Variants in DOCK3 observed in about 807,000 individuals in gnomAD.
DOCK3 encodes dedicator of cytokinesis protein 3.
A neutral mutation model predicts 265.6 loss-of-function variants in DOCK3; 60 were observed. The ratio of observed to expected loss-of-function variants is 0.23; its 90% CI spans 0.18 to 0.28. The LOEUF is 0.28. Ranked by LOEUF, DOCK3 falls within the 10% of genes least tolerant of loss-of-function variation. The pLI, the probability that DOCK3 is intolerant of heterozygous loss-of-function variation, is 1.00. For missense variants in DOCK3, 1,981 were observed against 2,594.3 expected (o/e 0.76, Z 5.14); for synonymous variants, 881 against 938.0 (o/e 0.94, Z 1.11).
At chr3:50,896,330 C>A (rs1575471761) in intron 4 of DOCK3, among the ~76,000 whole-genome samples, 1 of 152,128 alleles carries the variant, frequency 6.6e-6, no homozygotes, top group East Asian at 1.9e-4. Flanking sequence ...CTCCTTTGCC[C>A]ACTTTTTGAT....
intron 5 of DOCK3, among the ~76,000 whole-genome samples, chr3:50,991,986 A>T (rs1458260063): frequency 6.6e-6 from 1 of 152,232 alleles, no homozygotes; most frequent in Admixed American, 6.5e-5. Context: ...ATGCTCCTGA[A>T]TAACTTTTGG....
At chr3:51,240,616 C>G (rs1446120615) in intron 21 of DOCK3, among the ~76,000 whole-genome samples, 1 of 152,060 alleles carries the variant, frequency 6.6e-6, no homozygotes, top group Admixed American at 6.5e-5. Context: ...CTAGGTGCTC[C>G]TGTGTTGGGT....
intron 3 of DOCK3, among the ~76,000 whole-genome samples, chr3:50,858,448 T>A (rs561822269): frequency 1.1e-4 from 14 of 122,278 alleles, no homozygotes; most frequent in Middle Eastern, 3.8e-3. Flanking sequence ...ATAATAATAA[T>A]AATAAAAATA....
chr3:50,837,720 C>T (rs146764987), intron 2 of DOCK3, among the ~76,000 whole-genome samples: 86 of 152,198 alleles, frequency 5.7e-4, no homozygotes, highest in Non-Finnish European at 1.0e-3. Flanking sequence ...GAGAAGATAA[C>T]ATTTGGGCAG....
chr3:50,693,336 A>G (rs1367363857), intron 1 of DOCK3, among the ~76,000 whole-genome samples: 1 of 152,156 alleles, frequency 6.6e-6, no homozygotes, highest in Non-Finnish European at 1.5e-5. Flanking sequence ...CATCTTAACA[A>G]TGTTAAGTCT....
intron 3 of DOCK3, among the ~76,000 whole-genome samples, chr3:50,845,116 G>A (rs2046019166): frequency 6.6e-6 from 1 of 152,118 alleles, no homozygotes; most frequent in East Asian, 1.9e-4. Flanking sequence ...CTGGCTACTC[G>A]GGAGGCTGAG....
At chr3:50,735,843 T>A (rs1376035237) in intron 1 of DOCK3, among the ~76,000 whole-genome samples, 2 of 152,172 alleles carry the variant, frequency 1.3e-5, no homozygotes. Context: ...GGCTTCTGTT[T>A]CTGGGGGGGC....
intron 51 of DOCK3, among the ~76,000 whole-genome samples, chr3:51,376,258 C>G (rs1196814409): frequency 1.3e-5 from 2 of 152,184 alleles, no homozygotes; most frequent in Non-Finnish European, 1.5e-5. Context: ...CCAAACAAGC[C>G]CCAAGAGGAA....
chr3:50,943,944 T>C (rs971453935), intron 5 of DOCK3, among the ~76,000 whole-genome samples: 1 of 152,138 alleles, frequency 6.6e-6, no homozygotes, highest in African/African-American at 2.4e-5. Context: ...TTGTTAGAGA[T>C]GAAATGAAAA....
chr3:50,813,468 G>A (rs542472834), intron 2 of DOCK3, among the ~76,000 whole-genome samples: 23 of 152,156 alleles, frequency 1.5e-4, no homozygotes, highest in Non-Finnish European at 2.6e-4. Flanking sequence ...GTTTGAGGGT[G>A]CAGTGAGCTG....
intron 4 of DOCK3, among the ~76,000 whole-genome samples, chr3:50,925,992 C>T (rs2050737015): frequency 1.3e-5 from 2 of 151,850 alleles, no homozygotes; most frequent in African/African-American, 4.8e-5. Flanking sequence ...ACCACCAAGC[C>T]TGGCTAACTT....
At chr3:51,192,953 T>C (rs1191088919) in intron 12 of DOCK3, among the ~76,000 whole-genome samples, 1 of 152,166 alleles carries the variant, frequency 6.6e-6, no homozygotes, top group East Asian at 1.9e-4. Context: ...CAGTACAATA[T>C]TGAATAGGAA....
At chr3:51,380,916 T>C (rs1209251493) in intron 52 of DOCK3, 134 bp from the exon 53 acceptor site, 3 of 1,157,288 alleles carry the variant, frequency 2.6e-6, no homozygotes, top group Non-Finnish European at 3.6e-6. Flanking sequence ...GGGAGCTTGC[T>C]GCTGAAGAAA....
intron 4 of DOCK3, among the ~76,000 whole-genome samples, chr3:50,896,242 A>G (rs2048889199): frequency 6.6e-6 from 1 of 152,154 alleles, no homozygotes; most frequent in Non-Finnish European, 1.5e-5. Context: ...GTATTTCTCT[A>G]ATGATCAGTG....
At chr3:50,899,496 T>C (rs980590946) in intron 4 of DOCK3, among the ~76,000 whole-genome samples, 1 of 152,234 alleles carries the variant, frequency 6.6e-6, no homozygotes, top group Admixed American at 6.5e-5. Flanking sequence ...AATATTGTTA[T>C]GTGTGAATTT....
intron 3 of DOCK3, among the ~76,000 whole-genome samples, chr3:50,861,605 A>G (rs893198583): frequency 2.6e-5 from 4 of 152,012 alleles, no homozygotes; most frequent in Admixed American, 1.3e-4. Flanking sequence ...CCTGGGTGGT[A>G]TGATATTGGG....
At chr3:50,953,917 A>AT (rs1380789170) in intron 5 of DOCK3, among the ~76,000 whole-genome samples, 3 of 152,156 alleles carry the variant, frequency 2.0e-5, no homozygotes, top group South Asian at 2.1e-4. Context: ...TTTAAAAGTC[A>AT]TTTTTTCTGG....
At chr3:50,957,303 G>A (rs1344713644) in intron 5 of DOCK3, among the ~76,000 whole-genome samples, 2 of 152,120 alleles carry the variant, frequency 1.3e-5, no homozygotes, top group African/African-American at 4.8e-5. Flanking sequence ...TACTGATATT[G>A]AAGTTCATTT....
intron 40 of DOCK3, among the ~76,000 whole-genome samples, chr3:51,351,616 T>G (rs1395155549): frequency 6.6e-6 from 1 of 150,824 alleles, no homozygotes; most frequent in East Asian, 2.0e-4. Flanking sequence ...TCCACAGGAG[T>G]GTTTCTAGTA....
Sources: gnomAD v4.1 joint callset for allele counts (sites outside exome capture counted in the v4.1 genomes callset) on GRCh38, gnomAD v4.1.1 for gene constraint, MANE v1.5 for transcripts, NCBI Gene and HGNC (gene_info 2026-07-23, HGNC 2026-07-21) for gene names.